The following HCN1 variants were observed in gnomAD, a reference collection of about 807,000 sequenced individuals.
The protein encoded by HCN1 is potassium/sodium hyperpolarization-activated cyclic nucleotide-gated channel 1.
Under a neutral mutation model 78.9 loss-of-function variants are expected in HCN1, and 13 were observed. The ratio of observed to expected loss-of-function variants is 0.16; its 90% CI spans 0.11 to 0.26. The LOEUF is 0.26. Ranked by LOEUF, HCN1 falls within the 10% of genes least tolerant of loss-of-function variation. The probability of loss-of-function intolerance (pLI) is 1.00; values close to 1 mark genes in which losing one functional copy is unlikely to be tolerated. For synonymous variants in HCN1, 552 were observed against 455.5 expected, an observed-to-expected ratio of 1.21 and a Z score of -2.70; for missense variants, 810 against 1,154.3, an observed-to-expected ratio of 0.70 and a Z score of 4.32.
intron 7 of HCN1, among the ~76,000 whole-genome samples, chr5:45,263,124 T>C (rs553295212): frequency 2.6e-5 from 4 of 152,182 alleles, no homozygotes; most frequent in Non-Finnish European, 5.9e-5. Flanking sequence ...GCTTTTGGAA[T>C]AGGATGGGCT....
rs1744776484 is a variant in HCN1 at position 45,262,757 on chromosome 5, C to T, written c.1837G>A (p.Val613Ile). 1 of 1,614,166 alleles carries T rather than the reference C, an allele frequency of 6.2e-7. No homozygotes were observed. Among genetic ancestry groups the T allele is most frequent in the Non-Finnish European group, 8.5e-7 (1 of 1,180,034 alleles). The stretch of plus-strand genomic sequence containing the variant: ...ATTTCGTTCTCCTGATTGTTGAAAA[C>T]ACCAGTGTTCAGATCCTTCTGGAAC... ...QKFQKDLNTG[V>I]FNNQENEILK... Residue 613 changes from valine (V) to isoleucine (I), a missense_variant, in exon 8 of 8, where the codon GTT (valine) becomes ATT (isoleucine). By Grantham distance (29) the Val-to-Ile change is conservative. Transcript: ENST00000303230.
intron 2 of HCN1, among the ~76,000 whole-genome samples, chr5:45,567,470 A>G (rs1314792756): frequency 6.6e-6 from 1 of 151,964 alleles, no homozygotes; most frequent in East Asian, 1.9e-4. Context: ...CTGCTTACAG[A>G]GCTAAATGTT....
At chr5:45,279,448 G>A (rs1745119646) in intron 6 of HCN1, among the ~76,000 whole-genome samples, 1 of 152,028 alleles carries the variant, frequency 6.6e-6, no homozygotes, top group Admixed American at 6.6e-5. Context: ...AGAAGGATAA[G>A]GATGAGAAAT....
chr5:45,350,334 C>A (rs1199218372), intron 5 of HCN1, among the ~76,000 whole-genome samples: 1 of 152,062 alleles, frequency 6.6e-6, no homozygotes, highest in Non-Finnish European at 1.5e-5. Flanking sequence ...ACTCTTCATG[C>A]TAAAAACTCT....
At chr5:45,454,091 A>G (rs372567626) in intron 3 of HCN1, among the ~76,000 whole-genome samples, 1 of 152,136 alleles carries the variant, frequency 6.6e-6, no homozygotes, top group African/African-American at 2.4e-5. Context: ...GCCAATATAC[A>G]ATCTCATCAA....
At chr5:45,440,968 C>T (rs148320320) in intron 3 of HCN1, among the ~76,000 whole-genome samples, 33 of 152,288 alleles carry the variant, frequency 2.2e-4, no homozygotes, top group Non-Finnish European at 4.6e-4. Flanking sequence ...TCACTCCACT[C>T]CAGCCACACC....
chr5:45,573,856 T>C (rs143812058), intron 2 of HCN1, among the ~76,000 whole-genome samples: 127 of 152,244 alleles, frequency 8.3e-4, no homozygotes, highest in African/African-American at 3.0e-3. Context: ...AGAATTTGTT[T>C]CTTAAAAACC....
intron 2 of HCN1, among the ~76,000 whole-genome samples, chr5:45,608,545 G>A (rs571680925): frequency 8.6e-4 from 130 of 151,902 alleles, no homozygotes; most frequent in Middle Eastern, 3.4e-3. Context: ...AAGTTAGTTT[G>A]GTGTTAGCAC....
intron 2 of HCN1, among the ~76,000 whole-genome samples, chr5:45,611,106 A>C (rs1175359109): frequency 1.3e-5 from 2 of 150,834 alleles, no homozygotes; most frequent in Non-Finnish European, 3.0e-5. Flanking sequence ...GCTGCAGAGC[A>C]CTGGCATGAT....
chr5:45,332,568 A>C (rs1243400433), intron 5 of HCN1, among the ~76,000 whole-genome samples: 1 of 151,418 alleles, frequency 6.6e-6, no homozygotes, highest in East Asian at 1.9e-4. Context: ...GCCAGAAATA[A>C]GTGAAAACAT....
intron 2 of HCN1, among the ~76,000 whole-genome samples, chr5:45,530,031 T>A (rs1742806310): frequency 2.0e-5 from 3 of 152,152 alleles, no homozygotes; most frequent in Admixed American, 1.3e-4. Context: ...TGTATTTCTA[T>A]GTCTAATCTG....
intron 6 of HCN1, among the ~76,000 whole-genome samples, chr5:45,268,357 T>G (rs1310168958): frequency 6.6e-6 from 1 of 152,226 alleles, no homozygotes; most frequent in Admixed American, 6.5e-5. Context: ...TTGATTATTT[T>G]TAATTTGGAA....
intron 3 of HCN1, among the ~76,000 whole-genome samples, chr5:45,429,339 G>A (rs145343036): frequency 6.8e-4 from 103 of 152,226 alleles, no homozygotes; most frequent in African/African-American, 2.1e-3. Context: ...TCTCTGATCT[G>A]TTCAGCTTTA....
At chr5:45,281,267 G>A (rs1168458335) in intron 6 of HCN1, among the ~76,000 whole-genome samples, 1 of 151,838 alleles carries the variant, frequency 6.6e-6, no homozygotes, top group East Asian at 1.9e-4. Context: ...TAATGAGTGA[G>A]TACTCAAGAC....
At chr5:45,372,357 T>TTA (rs1163409022) in intron 4 of HCN1, among the ~76,000 whole-genome samples, 1 of 108,168 alleles carries the variant, frequency 9.2e-6, no homozygotes, top group Admixed American at 1.4e-4. Flanking sequence ...ATTTTACATA[T>TTA]TATATATAAA....
intron 2 of HCN1, among the ~76,000 whole-genome samples, chr5:45,629,549 T>G (rs1158002281): frequency 1.3e-5 from 2 of 152,090 alleles, no homozygotes; most frequent in East Asian, 3.9e-4. Context: ...CTAAAGTAGT[T>G]AATTTGTAAG....
Position 45,262,034 on chromosome 5 carries a change from G to C in HCN1, c.2560C>G (p.Arg854Gly). ...QMSSGAIPPN[R>G]GVPPAPPPPA... The stretch of plus-strand genomic sequence containing the variant: ...GGAGGGGGTGCTGGAGGGACTCCTC[G>C]GTTCGGGGGGATGGCTCCCGACGAC... Residue 854 changes from arginine to glycine, a missense_variant, in exon 8 of 8, where the codon CGA (arginine) becomes GGA (glycine). Physicochemically the swap from Arg to Gly is moderately radical, Grantham distance 125. This residue lies in a region of HCN1 where 398 missense variants were observed against 381.3 expected (regional missense o/e 1.04). Coordinates refer to ENST00000303230, the MANE Select transcript of HCN1 (RefSeq NM_021072.4). 6.2e-7 allele frequency: 1 copy of C among 1,613,974 alleles called. No homozygotes were observed. The highest frequency in any genetic ancestry group is 2.2e-5 in the East Asian group (1 of 44,860).
At chr5:45,315,592 C>T (rs1184078625) in intron 5 of HCN1, among the ~76,000 whole-genome samples, 6 of 151,918 alleles carry the variant, frequency 3.9e-5, no homozygotes, top group Non-Finnish European at 7.4e-5. Context: ...GATAGAGACA[C>T]AAAAAACCCT....
chr5:45,531,349 C>T (rs1390825655), intron 2 of HCN1, among the ~76,000 whole-genome samples: 1 of 152,092 alleles, frequency 6.6e-6, no homozygotes, highest in East Asian at 1.9e-4. Context: ...TTGTTTGGGG[C>T]CTTGAAATAG....
Sources: allele counts gnomAD v4.1 joint callset (sites outside exome capture counted in the v4.1 genomes callset), GRCh38; gene constraint gnomAD v4.1.1; regional missense constraint gnomAD v4.1.1; transcripts MANE v1.5; gene names NCBI Gene and HGNC (gene_info 2026-07-23, HGNC 2026-07-21).